The following SPATA6 variants were observed in gnomAD, a reference collection of about 807,000 sequenced individuals.
The protein encoded by SPATA6 is spermatogenesis associated 6.
A neutral mutation model predicts 65.3 loss-of-function variants in SPATA6; 56 were observed. The observed-to-expected ratio is 0.86, with a 90% CI of 0.69 to 1.07. The LOEUF is 1.07. Among genes scored for constraint, SPATA6 ranks in the 50% least tolerant of loss-of-function variants. SPATA6 has a pLI of 0.00. For synonymous variants in SPATA6, 199 were observed against 213.2 expected (o/e 0.93, Z 0.58); for missense variants, 590 against 594.8 (o/e 0.99, Z 0.08).
intron 9 of SPATA6, among the ~76,000 whole-genome samples, chr1:48,365,688 T>A (rs1646981491): frequency 6.6e-6 from 1 of 152,178 alleles, no homozygotes; most frequent in African/African-American, 2.4e-5. Context: ...TCAAGGAGAT[T>A]TTGGGCTGAG....
At chr1:48,358,776 C>A (rs1646727642) in intron 10 of SPATA6, among the ~76,000 whole-genome samples, 1 of 152,160 alleles carries the variant, frequency 6.6e-6, no homozygotes, top group African/African-American at 2.4e-5. Context: ...CAACCTTAAT[C>A]AAAATTCCAT....
At chr1:48,358,400 TTTATAAAAGTTTA>T (rs1646715946) in intron 10 of SPATA6, among the ~76,000 whole-genome samples, 1 of 151,380 alleles carries the variant, frequency 6.6e-6, no homozygotes, top group South Asian at 2.1e-4. Context: ...TATAAAAGTA[TTTATAAAAGTTTA>T]TTATAAAAGT....
chr1:48,322,811 T>C (rs1436107045), intron 11 of SPATA6, among the ~76,000 whole-genome samples: 1 of 152,086 alleles, frequency 6.6e-6, no homozygotes, highest in Non-Finnish European at 1.5e-5. Flanking sequence ...CCAACAAACT[T>C]ATGAAAAAAT....
chr1:48,273,043 T>C, the SPATA6 span, among the ~76,000 whole-genome samples: 1 of 152,220 alleles, frequency 6.6e-6, no homozygotes, highest in Non-Finnish European at 1.5e-5. Context: ...GGTTTGCAAA[T>C]CTTTTTTCCT....
In SPATA6 at chr1:48,436,219, C is replaced by T. The variant is rs1570570858; in HGVS notation, c.238+15333G>A. The T allele has an allele frequency of 1.9e-6, 3 of 1,613,200 alleles. No homozygotes were observed. The East Asian group carries it at 6.7e-5, about 36-fold the overall frequency. On this transcript the variant is annotated intron_variant, in intron 3 of 12. Transcript: ENST00000371847. ...TGCATGGCATACTCCCACGGGAACA[C>T]TGGTAACTATAAAAATTACAAATCT...
intron 8 of SPATA6, among the ~76,000 whole-genome samples, chr1:48,385,942 G>C (rs936566220): frequency 1.3e-5 from 2 of 152,076 alleles, no homozygotes; most frequent in African/African-American, 4.8e-5. Flanking sequence ...GATTATATAA[G>C]ATCTTACACG....
intron 11 of SPATA6, among the ~76,000 whole-genome samples, chr1:48,309,795 G>A (rs1052295129): frequency 6.6e-6 from 1 of 152,152 alleles, no homozygotes; most frequent in African/African-American, 2.4e-5. Flanking sequence ...TCTGTTAGCT[G>A]AGTCATCAAG....
At chr1:48,375,648 A>C (rs1647804621) in intron 9 of SPATA6, among the ~76,000 whole-genome samples, 2 of 152,120 alleles carry the variant, frequency 1.3e-5, no homozygotes, top group African/African-American at 4.8e-5. Context: ...CAACTATTAA[A>C]ATGAGGGCAA....
chr1:48,460,967 A>C (rs1351476820), intron 1 of SPATA6, among the ~76,000 whole-genome samples: 1 of 152,142 alleles, frequency 6.6e-6, no homozygotes, highest in Non-Finnish European at 1.5e-5. Context: ...CTGCCTGATA[A>C]ATTTAAAGAA....
chr1:48,319,595 G>A (rs1037108736), intron 11 of SPATA6, among the ~76,000 whole-genome samples: 96 of 152,264 alleles, frequency 6.3e-4, no homozygotes, highest in Middle Eastern at 6.8e-3. Flanking sequence ...CAGGACTGGC[G>A]CAGAGCTAGG....
intron 5 of SPATA6, among the ~76,000 whole-genome samples, chr1:48,409,223 A>G (rs1446036836): frequency 6.6e-6 from 1 of 152,252 alleles, no homozygotes; most frequent in Non-Finnish European, 1.5e-5. Flanking sequence ...CAAAGGGGCT[A>G]CAGGCCCCAT....
chr1:48,352,357 G>A (rs912446603), intron 11 of SPATA6, among the ~76,000 whole-genome samples: 7 of 152,026 alleles, frequency 4.6e-5, no homozygotes, highest in African/African-American at 1.7e-4. Flanking sequence ...ATTTATAGTA[G>A]TTTGTATTTT....
At chr1:48,362,596 T>C (rs554699015) in intron 9 of SPATA6, among the ~76,000 whole-genome samples, 6 of 152,126 alleles carry the variant, frequency 3.9e-5, no homozygotes, top group African/African-American at 1.4e-4. Context: ...ACAGGGCATA[T>C]ACAGAAGGAT....
chr1:48,350,489 C>G (rs145334782), intron 11 of SPATA6, among the ~76,000 whole-genome samples: 2 of 151,126 alleles, frequency 1.3e-5, no homozygotes, highest in Non-Finnish European at 3.0e-5. Context: ...AACTCATTGC[C>G]GAAATTAAAT....
At chr1:48,375,519 G>C (rs1379418984) in intron 9 of SPATA6, among the ~76,000 whole-genome samples, 3 of 151,896 alleles carry the variant, frequency 2.0e-5, no homozygotes, top group Non-Finnish European at 4.4e-5. Flanking sequence ...CCTCTGTTTT[G>C]TTTTGTATTT....
At chr1:48,270,480 A>C in the SPATA6 span, among the ~76,000 whole-genome samples, 1 of 152,052 alleles carries the variant, frequency 6.6e-6, no homozygotes, top group South Asian at 2.1e-4. Flanking sequence ...GTTTACCTTC[A>C]AGTCCAAGCT....
intron 9 of SPATA6, among the ~76,000 whole-genome samples, chr1:48,381,306 A>C (rs893792735): frequency 1.3e-5 from 2 of 152,208 alleles, no homozygotes; most frequent in African/African-American, 4.8e-5. Flanking sequence ...ATCCTTAGAT[A>C]GATGGCAAAA....
At chr1:48,265,468 G>C in the SPATA6 span, among the ~76,000 whole-genome samples, 1 of 151,478 alleles carries the variant, frequency 6.6e-6, no homozygotes, top group African/African-American at 2.4e-5. Context: ...ATGGAATCTA[G>C]AGCCAAGCAT....
At chr1:48,273,562 A>C in the SPATA6 span, among the ~76,000 whole-genome samples, 2 of 151,676 alleles carry the variant, frequency 1.3e-5, no homozygotes, top group Admixed American at 6.6e-5. Flanking sequence ...TCATTGTTCA[A>C]CTCCCACATA....
Sources: gnomAD v4.1 joint callset for allele counts (sites outside exome capture counted in the v4.1 genomes callset) on GRCh38, gnomAD v4.1.1 for gene constraint, MANE v1.5 for transcripts, NCBI Gene and HGNC (gene_info 2026-07-23, HGNC 2026-07-21) for gene names.